Variants in LRGUK observed in about 807,000 individuals in gnomAD.
LRGUK encodes the protein leucine-rich repeat and guanylate kinase domain-containing protein.
A neutral mutation model predicts 76.0 loss-of-function variants in LRGUK; 65 were observed. The observed-to-expected ratio is 0.85, with a 90% CI of 0.70 to 1.05. The LOEUF (loss-of-function observed/expected upper bound fraction) is 1.05, where lower values mean the gene tolerates loss of function less well. LRGUK is among the 50% of genes least tolerant of loss of function. LRGUK has a pLI of 0.00. For missense variants in LRGUK, 758 were observed against 732.8 expected, an observed-to-expected ratio of 1.03 and a Z score of -0.40; for synonymous variants, 268 against 265.6, an observed-to-expected ratio of 1.01 and a Z score of -0.09.
chr7:134,158,000 A>G (rs762393108), intron 5 of LRGUK, 35 bp from the exon 6 acceptor site: 1 of 1,581,622 alleles, frequency 6.3e-7, no homozygotes, highest in East Asian at 2.3e-5. Context: ...AATGCTTTTA[A>G]TAACATTTTC....
intron 5 of LRGUK, 104 bp downstream of exon 5, chr7:134,148,423 G>A (rs1798067705): frequency 1.5e-6 from 1 of 667,386 alleles, no homozygotes; most frequent in Non-Finnish European, 2.5e-6. Flanking sequence ...TACCAGATAA[G>A]CAATTTAATA....
chr7:134,253,834 C>G (rs999794341), intron 18 of LRGUK, among the ~76,000 whole-genome samples: 1 of 152,090 alleles, frequency 6.6e-6, no homozygotes, highest in Non-Finnish European at 1.5e-5. Flanking sequence ...TTAATTTTAA[C>G]TATATAGAGA....
chr7:134,261,311 G>A (rs759384646), intron 19 of LRGUK, among the ~76,000 whole-genome samples: 145 of 151,606 alleles, frequency 9.6e-4, no homozygotes, highest in Non-Finnish European at 7.8e-4. Context: ...TTACATAAAT[G>A]TAACTTTTGT....
chr7:134,151,110 A>C (rs186926379), intron 5 of LRGUK, among the ~76,000 whole-genome samples: 45 of 152,310 alleles, frequency 3.0e-4, no homozygotes, highest in Non-Finnish European at 5.0e-4. Flanking sequence ...TAAGCATATC[A>C]TATTGTGCAT....
At chr7:134,145,283 T>TCA (rs547491544) in intron 4 of LRGUK, among the ~76,000 whole-genome samples, 215 of 152,160 alleles carry the variant, frequency 1.4e-3, no homozygotes, top group African/African-American at 5.0e-3. Context: ...GTCTCATGCT[T>TCA]GTTGCCCAGG....
At chr7:134,209,275 A>G (rs1801141179) in exon 16 of LRGUK, 1 of 399,160 alleles carries the variant, frequency 2.5e-6, no homozygotes, top group Non-Finnish European at 4.4e-6. Context: ...GCCCTCAGAG[A>G]ATTCAGGATG....
chr7:134,258,232 G>T, intron 18 of LRGUK, 25 bp from the exon 19 acceptor site: 1 of 1,613,430 alleles, frequency 6.2e-7, no homozygotes. Flanking sequence ...ATCTCAAAAA[G>T]ATCTTTGGTT....
intron 7 of LRGUK, among the ~76,000 whole-genome samples, chr7:134,168,351 C>A (rs532957863): frequency 6.6e-6 from 1 of 152,228 alleles, no homozygotes; most frequent in East Asian, 1.9e-4. Context: ...GGCAACATCA[C>A]GACACCCCCA....
downstream of LRGUK, among the ~76,000 whole-genome samples, chr7:134,215,104 A>G (rs1227384014): frequency 6.6e-6 from 1 of 152,140 alleles, no homozygotes; most frequent in East Asian, 1.9e-4. Flanking sequence ...AGAAAATTAT[A>G]TGTACTTAGT....
Position 134,232,196 on chromosome 7 carries a change from T to C in LRGUK, c.1983+10278T>C, listed in dbSNP as rs1206401649. ...TATCCCTAGCCCTCTTACTACTACCTTCTTTCTTTGAGTAGAAAATGGGCT... is the reference window on the plus strand; with the variant it reads ...TATCCCTAGCCCTCTTACTACTACCCTCTTTCTTTGAGTAGAAAATGGGCT... On this transcript the variant is annotated intron_variant, in intron 16 of 19. Transcript: ENST00000285928. 2.0e-5 allele frequency among the ~76,000 whole-genome samples: 3 copies of C among 152,198 alleles called. No individual in the cohort carries two copies. The East Asian group carries it at 5.8e-4, about 29-fold the overall frequency.
At chr7:134,256,609 G>C (rs964261154) in intron 18 of LRGUK, among the ~76,000 whole-genome samples, 1 of 152,062 alleles carries the variant, frequency 6.6e-6, no homozygotes, top group African/African-American at 2.4e-5. Flanking sequence ...TCCCAGTGAG[G>C]CCCTTCAGAT....
At chr7:134,209,533 C>T in exon 16 of LRGUK, 2 of 399,216 alleles carry the variant, frequency 5.0e-6, no homozygotes. Context: ...TTCCTAGAAG[C>T]CGGCTGGCTC....
At chr7:134,179,857 C>G (rs1799660888) in intron 10 of LRGUK, among the ~76,000 whole-genome samples, 2 of 152,278 alleles carry the variant, frequency 1.3e-5, no homozygotes, top group Non-Finnish European at 2.9e-5. Flanking sequence ...GCCTGCAATG[C>G]CCTTCCTACT....
chr7:134,227,918 GA>G (rs1405844286), intron 16 of LRGUK, among the ~76,000 whole-genome samples: 3 of 152,114 alleles, frequency 2.0e-5, no homozygotes, highest in Non-Finnish European at 2.9e-5. Context: ...ATATGTTATT[GA>G]ATCCTAAAAG....
intron 18 of LRGUK, among the ~76,000 whole-genome samples, 182 bp downstream of exon 18, chr7:134,249,258 G>C (rs1802387246): frequency 6.6e-6 from 1 of 152,126 alleles, no homozygotes; most frequent in Admixed American, 6.5e-5. Flanking sequence ...TATAACCTAG[G>C]TTCACCATTG....
At chr7:134,150,444 G>C (rs1798167762) in intron 5 of LRGUK, among the ~76,000 whole-genome samples, 1 of 144,942 alleles carries the variant, frequency 6.9e-6, no homozygotes, top group African/African-American at 2.6e-5. Context: ...CCTGGCGACA[G>C]AGCGAGACTT....
At chr7:134,247,743 T>A in intron 17 of LRGUK, 99 bp downstream of exon 17, 2 of 814,074 alleles carry the variant, frequency 2.5e-6, no homozygotes, top group South Asian at 1.9e-5. Context: ...ACCTCTGTCC[T>A]AAAATGGACC....
At chr7:134,200,014 A>G (rs866183588) in intron 14 of LRGUK, among the ~76,000 whole-genome samples, 1 of 129,070 alleles carries the variant, frequency 7.7e-6, no homozygotes, top group Non-Finnish European at 1.6e-5. Context: ...ATATATATAT[A>G]TATATATATA....
intron 12 of LRGUK, among the ~76,000 whole-genome samples, chr7:134,192,652 A>G (rs886725189): frequency 6.6e-6 from 1 of 152,236 alleles, no homozygotes; most frequent in African/African-American, 2.4e-5. Flanking sequence ...TAATGTAAAT[A>G]TGTATCTGCC....
Sources: allele counts gnomAD v4.1 joint callset (sites outside exome capture counted in the v4.1 genomes callset), GRCh38; gene constraint gnomAD v4.1.1; transcripts MANE v1.5; gene names NCBI Gene and HGNC (gene_info 2026-07-23, HGNC 2026-07-21).